The following VEPH1 variants were observed in gnomAD, a reference collection of about 807,000 sequenced individuals.
The protein encoded by VEPH1 is ventricular zone expressed PH domain containing 1, also known as ventricular zone-expressed PH domain-containing protein homolog 1.
VEPH1 carries 80 observed loss-of-function variants against 85.2 expected under a neutral mutation model. The ratio of observed to expected loss-of-function variants is 0.94; its 90% CI spans 0.78 to 1.13. The LOEUF is 1.13. Among genes scored for constraint, VEPH1 ranks in the 50% most tolerant of loss-of-function variants. The pLI, the probability that VEPH1 is intolerant of heterozygous loss-of-function variation, is 0.00. For missense variants in VEPH1, 955 were observed against 980.5 expected (o/e 0.97, Z 0.35); for synonymous variants, 297 against 348.0 (o/e 0.85, Z 1.63).
chr3:157,423,993 T>C (rs1353703268), intron 5 of VEPH1, among the ~76,000 whole-genome samples: 1 of 152,196 alleles, frequency 6.6e-6, no homozygotes, highest in East Asian at 1.9e-4. Context: ...TAACAATTCA[T>C]ATTCACTGTG....
intron 12 of VEPH1, among the ~76,000 whole-genome samples, chr3:157,267,102 CTT>C (rs10537483): frequency 0.29 from 35,750 of 124,368 alleles, 3,812 homozygotes; most frequent in Admixed American, 0.45. Context: ...TCTTTTTTTT[CTT>C]TTTTTTTTTT....
At chr3:157,432,485 A>C (rs141492415) in intron 4 of VEPH1, among the ~76,000 whole-genome samples, 11 of 152,038 alleles carry the variant, frequency 7.2e-5, no homozygotes, top group Non-Finnish European at 8.8e-5. Flanking sequence ...ACTTTGGTAC[A>C]TAGGAGGAAG....
chr3:157,329,079 G>A (rs1722231900), intron 9 of VEPH1, among the ~76,000 whole-genome samples: 1 of 152,120 alleles, frequency 6.6e-6, no homozygotes, highest in Non-Finnish European at 1.5e-5. Flanking sequence ...AAGTCGAAGA[G>A]GGATTTAATT....
At chr3:157,415,762 C>T (rs776469452) in intron 5 of VEPH1, among the ~76,000 whole-genome samples, 16 of 152,114 alleles carry the variant, frequency 1.1e-4, no homozygotes, top group Admixed American at 2.6e-4. Flanking sequence ...AAATTCTTAA[C>T]TTGCTAAATT....
At chr3:157,330,610 A>G (rs1722389423) in intron 9 of VEPH1, among the ~76,000 whole-genome samples, 1 of 152,222 alleles carries the variant, frequency 6.6e-6, no homozygotes, top group Admixed American at 6.5e-5. Flanking sequence ...GGTCTTTCTC[A>G]GGATTTCGAT....
chr3:157,430,463 ACTCT>A (rs1733056011), intron 4 of VEPH1, among the ~76,000 whole-genome samples: 1 of 152,142 alleles, frequency 6.6e-6, no homozygotes, highest in South Asian at 2.1e-4. Context: ...TTATTCATAT[ACTCT>A]CTGTGATTGA....
chr3:157,459,887 T>A (rs1322698766), intron 4 of VEPH1: 6 of 1,537,086 alleles, frequency 3.9e-6, no homozygotes, highest in African/African-American at 1.4e-5. Flanking sequence ...AGTTGGTAGT[T>A]GAACAGGTGA....
At chr3:157,502,984 A>G (rs1190684288) in intron 1 of VEPH1, among the ~76,000 whole-genome samples, 3 of 152,256 alleles carry the variant, frequency 2.0e-5, no homozygotes, top group Non-Finnish European at 4.4e-5. Flanking sequence ...GAGTAAAACA[A>G]AAATGCACAT....
At chr3:157,461,661 G>A (rs1735885807) in intron 3 of VEPH1, among the ~76,000 whole-genome samples, 1 of 152,056 alleles carries the variant, frequency 6.6e-6, no homozygotes. Flanking sequence ...GATAAAAATT[G>A]TCATTGATAC....
chr3:157,436,660 ATC>A (rs1017406879), intron 4 of VEPH1: 1 of 300,084 alleles, frequency 3.3e-6, no homozygotes, highest in African/African-American at 2.2e-5. Flanking sequence ...CCTCCAATTA[ATC>A]TGACTGCAGC....
At chr3:157,437,008 C>A in intron 4 of VEPH1, 1 of 1,613,980 alleles carries the variant, frequency 6.2e-7, no homozygotes. Flanking sequence ...ATTATGATCT[C>A]ATGTATGTGA....
Position 157,362,033 on chromosome 3 carries a change from T to C in VEPH1, c.1735+1331A>G, listed in dbSNP as rs12638914. ...TTACTGAGTTTTTTAATTTTTTTAT[T>C]TTTTTTTTGGGTGGGGGGACAGAGT... On this transcript the variant is annotated intron_variant, in intron 9 of 13. Transcript: ENST00000362010. 2.8e-3 allele frequency among the ~76,000 whole-genome samples: 422 copies of C among 150,918 alleles called. 5 individuals are homozygous for C. In the East Asian group the frequency reaches 0.043, roughly 15 times the overall value.
At chr3:157,385,395 G>A (rs913851302) in intron 6 of VEPH1, among the ~76,000 whole-genome samples, 2 of 151,728 alleles carry the variant, frequency 1.3e-5, no homozygotes, top group African/African-American at 4.8e-5. Flanking sequence ...CAAATCTTTT[G>A]GTTTTAGGAC....
At chr3:157,446,551 A>G (rs1385692762) in intron 4 of VEPH1, among the ~76,000 whole-genome samples, 2 of 152,238 alleles carry the variant, frequency 1.3e-5, no homozygotes, top group East Asian at 3.8e-4. Flanking sequence ...TTAACAAAGA[A>G]TTAGATTTGC....
chr3:157,293,071 T>C (rs1469399498), intron 11 of VEPH1, among the ~76,000 whole-genome samples: 1 of 152,182 alleles, frequency 6.6e-6, no homozygotes, highest in Non-Finnish European at 1.5e-5. Context: ...CTTTCATTTT[T>C]AAACATCAGA....
At chr3:157,457,631 G>A (rs1735490896) in intron 4 of VEPH1, among the ~76,000 whole-genome samples, 1 of 152,036 alleles carries the variant, frequency 6.6e-6, no homozygotes, top group South Asian at 2.1e-4. Flanking sequence ...TGCATCTATT[G>A]GATTTGTCTT....
intron 12 of VEPH1, among the ~76,000 whole-genome samples, chr3:157,269,947 G>A (rs1361988791): frequency 6.6e-6 from 1 of 151,828 alleles, no homozygotes; most frequent in Non-Finnish European, 1.5e-5. Flanking sequence ...TTCATTTAAA[G>A]CACCACAATT....
intron 4 of VEPH1, among the ~76,000 whole-genome samples, chr3:157,450,571 A>AAT (rs535587202): frequency 0.041 from 6,163 of 149,848 alleles, 420 homozygotes; most frequent in African/African-American, 0.14. Context: ...TATATAGTGA[A>AAT]ATATATATAT....
At chr3:157,411,249 C>T (rs1354256136) in intron 6 of VEPH1, among the ~76,000 whole-genome samples, 1 of 152,130 alleles carries the variant, frequency 6.6e-6, no homozygotes, top group Non-Finnish European at 1.5e-5. Flanking sequence ...AGATTGCCTT[C>T]TAGACTTCGT....
Sources: allele counts gnomAD v4.1 joint callset (sites outside exome capture counted in the v4.1 genomes callset), GRCh38; gene constraint gnomAD v4.1.1; transcripts MANE v1.5; gene names NCBI Gene and HGNC (gene_info 2026-07-23, HGNC 2026-07-21).